Variants in STAG3 observed in about 807,000 individuals in gnomAD.
STAG3 encodes cohesin subunit SA-3.
STAG3 carries 101 observed loss-of-function variants against 160.7 expected under a neutral mutation model. The ratio of observed to expected loss-of-function variants is 0.63; its 90% CI spans 0.54 to 0.74. The LOEUF is 0.74. Among genes scored for constraint, STAG3 ranks in the 30% least tolerant of loss-of-function variants. STAG3 has a pLI of 0.00. For missense variants in STAG3, 1,188 were observed against 1,517.4 expected (o/e 0.78, Z 3.61); for synonymous variants, 519 against 585.0 (o/e 0.89, Z 1.63).
downstream of STAG3, among the ~76,000 whole-genome samples, chr7:100,215,556 G>A (rs1802689069): frequency 6.6e-6 from 1 of 152,180 alleles, no homozygotes; most frequent in Non-Finnish European, 1.5e-5. Context: ...GAGAAGATGT[G>A]GAGGTCTCTC....
At chr7:100,211,926 C>A (rs759972691) in intron 32 of STAG3, 50 bp downstream of exon 32, 193 of 1,567,152 alleles carry the variant, frequency 1.2e-4, no homozygotes, top group Non-Finnish European at 1.7e-4. Context: ...GGCTGATGTG[C>A]CAAAGAGAAG....
In STAG3 at chr7:100,188,973, A is replaced by T. The variant is rs1800192618; in HGVS notation, c.672A>T (p.Ser224=). The change falls in exon 7 of 34, where the codon TCA becomes TCT. Residue 224 remains serine (S), a synonymous_variant. Coordinates refer to ENST00000615138, the MANE Select transcript of STAG3 (RefSeq NM_001282717.2). ...DDLISLLTGL[S]DSQVRAFRHT... is the part of the protein sequence containing the mutation. ...TCATCTCCCTGCTCACTGGCCTCTC[A>T]GACTCACAAGTCCGCGCCTTCCGTC... The T allele has an allele frequency of 6.2e-7, 1 of 1,614,184 alleles. No individual in the cohort carries two copies. The highest frequency in any genetic ancestry group is 8.5e-7 in the Non-Finnish European group (1 of 1,180,028).
In STAG3 at chr7:100,214,023, C is replaced by G. The variant is rs1802547060; in HGVS notation, c.*8C>G. ...TCATTATAGGATTTCTGACAGGACT[C>G]TGGGCCCCTCCCCAGCTCCACTCCC... On this transcript the variant is annotated 3_prime_UTR_variant, in exon 34 of 34. Coordinates refer to ENST00000615138, the MANE Select transcript of STAG3 (RefSeq NM_001282717.2). 2 of 1,614,026 alleles carry G rather than the reference C, an allele frequency of 1.2e-6. No individual in the cohort carries two copies. The highest frequency in any genetic ancestry group is 1.7e-6 in the Non-Finnish European group (2 of 1,180,016).
rs1460839552 is a variant in STAG3, at chr7:100,180,488, C to T, written c.-64-5C>T. On this transcript the variant is annotated splice_region_variant and splice_polypyrimidine_tract_variant and intron_variant, in intron 1 of 33. Coordinates refer to ENST00000615138, the MANE Select transcript of STAG3 (RefSeq NM_001282717.2). ...TAGGAGCCCTTTCTTCTCTTTCTTCCCCAGCTGGATCGCCATACCTACCCT... is the reference window on the plus strand; with the variant it reads ...TAGGAGCCCTTTCTTCTCTTTCTTCTCCAGCTGGATCGCCATACCTACCCT... The T allele has an allele frequency of 1.1e-6, 1 of 897,550 alleles. No homozygotes were observed. 55.6% of individuals were successfully genotyped at this position (897,550 alleles called of 1,614,324 possible).
chr7:100,213,855 G>A (rs779147290), intron 33 of STAG3, 49 bp downstream of exon 33: 1 of 1,614,136 alleles, frequency 6.2e-7, no homozygotes, highest in Non-Finnish European at 8.5e-7. Context: ...AATGCTGGCA[G>A]GCAACCCGTG....
intron 8 of STAG3, 67 bp downstream of exon 8, chr7:100,189,663 C>T: frequency 1.3e-6 from 2 of 1,538,984 alleles, no homozygotes; most frequent in Non-Finnish European, 1.8e-6. Flanking sequence ...CCACAGACCC[C>T]CTTATCAGGC....
At position 100,186,187 on chromosome 7, in the gene STAG3, T is replaced by C. The variant is rs766902842; in HGVS notation, c.337-13T>C. On this transcript the variant is annotated splice_polypyrimidine_tract_variant and intron_variant, in intron 4 of 33. Coordinates refer to ENST00000615138, the MANE Select transcript of STAG3 (RefSeq NM_001282717.2). The stretch of plus-strand genomic sequence containing the variant: ...TGCCAGAAACAGAAGTCATCTACAT[T>C]TTTTTTCCCTAGTCTTTGGTAGATG... 1 of 1,610,598 alleles carries C rather than the reference T, an allele frequency of 6.2e-7. No homozygotes were observed. The highest frequency in any genetic ancestry group is 8.5e-7 in the Non-Finnish European group (1 of 1,176,926).
At chr7:100,216,442 G>A (rs1029610563), downstream of STAG3, among the ~76,000 whole-genome samples, 2 of 152,084 alleles carry the variant, frequency 1.3e-5, no homozygotes, top group African/African-American at 4.8e-5. Flanking sequence ...TTAAAAAAGG[G>A]CTTAGAGCAA....
chr7:100,195,186 C>T (rs896148999), intron 8 of STAG3, 123 bp from the exon 9 acceptor site: 21 of 811,788 alleles, frequency 2.6e-5, no homozygotes, highest in African/African-American at 1.9e-4. Context: ...CATAGGATTA[C>T]GGGGGTTCAC....
In STAG3 at chr7:100,199,249, C is replaced by T. The variant is rs754916477; in HGVS notation, c.1468-13C>T. Reference sequence around the variant, plus strand: ...CATGCTATCATTAACTCCCCATGCACGTTCTCCCCTAGCTCCATGACCACG... The same window carrying T: ...CATGCTATCATTAACTCCCCATGCATGTTCTCCCCTAGCTCCATGACCACG... On this transcript the variant is annotated splice_polypyrimidine_tract_variant and intron_variant, in intron 14 of 33. Transcript: ENST00000615138. 1.0e-5 allele frequency: 16 copies of T among 1,579,272 alleles called. No homozygotes were observed. Among genetic ancestry groups the T allele is most frequent in the Admixed American group, 3.3e-5 (2 of 59,948 alleles).
chr7:100,217,440 G>GC (rs1447197859), downstream of STAG3, among the ~76,000 whole-genome samples: 1 of 152,238 alleles, frequency 6.6e-6, no homozygotes, highest in African/African-American at 2.4e-5. Context: ...CTTTTCAGGG[G>GC]TGGCACTGTA....
chr7:100,189,742 G>C, intron 8 of STAG3, 146 bp downstream of exon 8: 1 of 848,136 alleles, frequency 1.2e-6, no homozygotes, highest in East Asian at 2.6e-5. Flanking sequence ...TCCTGTAAGG[G>C]GTCATTACAT....
At chr7:100,190,197 T>TA (rs1800271847) in intron 8 of STAG3, among the ~76,000 whole-genome samples, 1 of 152,216 alleles carries the variant, frequency 6.6e-6, no homozygotes, top group Non-Finnish European at 1.5e-5. Flanking sequence ...CTTTTAAACT[T>TA]AAAGATGACC....
rs2117451257 is a variant in STAG3 at position 100,207,786 on chromosome 7, G to C, written c.3238+2402G>C. Among the ~76,000 whole-genome samples, 1 of 152,280 alleles carries C rather than the reference G, an allele frequency of 6.6e-6. No individual in the cohort carries two copies. Among genetic ancestry groups the C allele is most frequent in the African/African-American group, 2.4e-5 (1 of 41,554 alleles). Reference sequence around the variant, plus strand: ...CTTGAGAAATTGTTGGCTAATTCATGAGGTCACAAAGATTTACTCCTGTGT... The same window carrying C: ...CTTGAGAAATTGTTGGCTAATTCATCAGGTCACAAAGATTTACTCCTGTGT... On this transcript the variant is annotated intron_variant, in intron 29 of 33. Transcript: ENST00000615138. This position sits in a 1 kb window ranked among gnomAD's most constrained non-coding sequence, Gnocchi z 4.0.
chr7:100,184,463 GTTTTTTTTTT>G (rs1554403741), intron 4 of STAG3, among the ~76,000 whole-genome samples: 62 of 98,590 alleles, frequency 6.3e-4, no homozygotes, highest in African/African-American at 2.4e-3. Flanking sequence ...CAGCGTGTTA[GTTTTTTTTTT>G]TTTTTTTTTT....
chr7:100,200,700 C>T, intron 18 of STAG3, 69 bp from the exon 19 acceptor site: 1 of 1,575,372 alleles, frequency 6.3e-7, no homozygotes, highest in Non-Finnish European at 8.7e-7. Context: ...TAACCCCGTT[C>T]CACTTCCCGC....
At chr7:100,201,066 T>C (rs1801085361) in intron 19 of STAG3, 24 bp from the exon 20 acceptor site, 3 of 1,614,062 alleles carry the variant, frequency 1.9e-6, no homozygotes, top group South Asian at 1.1e-5. Flanking sequence ...GGAAATGCTA[T>C]TGTGGATCTT....
intron 2 of STAG3, 112 bp from the exon 3 acceptor site, chr7:100,181,978 T>C (rs1025106221): frequency 4.0e-5 from 26 of 652,688 alleles, no homozygotes; most frequent in Non-Finnish European, 7.0e-5. Context: ...TCTGGATATG[T>C]TTTTCTCATG....
chr7:100,198,007 T>TTAG, intron 11 of STAG3, 80 bp from the exon 12 acceptor site: 8 of 1,543,924 alleles, frequency 5.2e-6, no homozygotes, highest in Non-Finnish European at 7.2e-6. Flanking sequence ...GGCACTCTCT[T>TTAG]TAGGAGTCTC....
Sources: allele counts gnomAD v4.1 joint callset (sites outside exome capture counted in the v4.1 genomes callset), GRCh38; gene constraint gnomAD v4.1.1; non-coding constraint Gnocchi (gnomAD v3.1); transcripts MANE v1.5; gene names NCBI Gene and HGNC (gene_info 2026-07-23, HGNC 2026-07-21).